CDH13: variants seen among roughly 807,000 people sequenced by gnomAD.
The protein encoded by CDH13 is cadherin-13.
A neutral mutation model predicts 63.8 loss-of-function variants in CDH13; 24 were observed. That is an observed-to-expected ratio of 0.38 (90% CI 0.27 to 0.53). CDH13 has a LOEUF of 0.53. CDH13 is among the 20% of genes least tolerant of loss of function. CDH13 has a pLI of 0.85. For synonymous variants in CDH13, 503 were observed against 355.3 expected (o/e 1.42, Z -4.67); for missense variants, 1,049 against 903.1 (o/e 1.16, Z -2.07).
At chr16:83,262,264 T>C (rs7188467) in intron 5 of CDH13, among the ~76,000 whole-genome samples, 135,854 of 152,170 alleles carry the variant, frequency 0.89, 60,766 homozygotes, top group East Asian at 1. Context: ...CATGGGGTAA[T>C]GGGCCTCCAT....
rs150787513 is a variant in CDH13 at position 83,564,465 on chromosome 16, A to G, written c.961-37989A>G. The stretch of plus-strand genomic sequence containing the variant: ...ACTCTGTCACCCAGGCTGGAGTGCA[A>G]TGGCACAATCTCAGCTCACTGCAAC... On this transcript the variant is annotated intron_variant, in intron 7 of 13. Transcript: ENST00000567109. Among the ~76,000 whole-genome samples the G allele has an allele frequency of 3.6e-3, 516 of 142,564 alleles. 5 individuals carry two copies. The highest frequency in any genetic ancestry group is 0.013 in the African/African-American group (484 of 38,344). 93.5% of individuals were successfully genotyped at this position (142,564 alleles called of 152,430 possible).
At chr16:83,218,056 G>C (rs529286513) in intron 5 of CDH13, among the ~76,000 whole-genome samples, 1 of 152,266 alleles carries the variant, frequency 6.6e-6, no homozygotes, top group East Asian at 1.9e-4. Context: ...ATTACCAATG[G>C]AGTATTTGCA....
chr16:83,513,975 G>A (rs1379811113), intron 7 of CDH13, among the ~76,000 whole-genome samples: 1 of 152,110 alleles, frequency 6.6e-6, no homozygotes, highest in East Asian at 1.9e-4. Context: ...GTCCAATAGA[G>A]ACTGTCTTGT....
intron 1 of CDH13, among the ~76,000 whole-genome samples, chr16:82,697,737 CATT>C (rs1282172160): frequency 2.8e-5 from 4 of 145,442 alleles, no homozygotes; most frequent in Non-Finnish European, 4.5e-5. Context: ...TGGGCCGAGG[CATT>C]GTGTGTGTGT....
At chr16:83,549,585 C>G (rs7190941) in intron 7 of CDH13, among the ~76,000 whole-genome samples, 45,048 of 150,964 alleles carry the variant, frequency 0.3, 6,772 homozygotes, top group Middle Eastern at 0.36. Context: ...CTCCCTAACC[C>G]CACTCCCGTA....
intron 6 of CDH13, among the ~76,000 whole-genome samples, chr16:83,356,335 A>C (rs1168015524): frequency 6.6e-6 from 1 of 151,744 alleles, no homozygotes; most frequent in Non-Finnish European, 1.5e-5. Flanking sequence ...CTTGCCAGGT[A>C]ACTCCACGCA....
chr16:83,277,366 C>A (rs946507987), intron 5 of CDH13, among the ~76,000 whole-genome samples: 1 of 152,112 alleles, frequency 6.6e-6, no homozygotes, highest in African/African-American at 2.4e-5. Flanking sequence ...AACTCAGATG[C>A]CTAAACCATA....
At chr16:82,721,570 A>G (rs1207048547) in intron 1 of CDH13, among the ~76,000 whole-genome samples, 1 of 152,196 alleles carries the variant, frequency 6.6e-6, no homozygotes. Flanking sequence ...AAGTAACAGC[A>G]AAGTCAAAGA....
At chr16:83,400,419 A>G (rs1188943445) in intron 6 of CDH13, among the ~76,000 whole-genome samples, 4 of 152,202 alleles carry the variant, frequency 2.6e-5, no homozygotes, top group Admixed American at 2.6e-4. Flanking sequence ...GCCCAACTCC[A>G]GGATGGGGTC....
intron 3 of CDH13, among the ~76,000 whole-genome samples, chr16:83,117,502 C>T (rs576542989): frequency 1.3e-5 from 2 of 152,046 alleles, no homozygotes; most frequent in East Asian, 1.9e-4. Context: ...TCTTTTTTCT[C>T]TTGAGCCATA....
chr16:83,391,359 C>G (rs1050287886), intron 6 of CDH13, among the ~76,000 whole-genome samples: 2 of 152,072 alleles, frequency 1.3e-5, no homozygotes, highest in African/African-American at 2.4e-5. Context: ...GTGCCTACCA[C>G]CACACCCAGC....
intron 1 of CDH13, among the ~76,000 whole-genome samples, chr16:82,796,028 C>G (rs894500344): frequency 6.7e-6 from 1 of 149,636 alleles, no homozygotes; most frequent in African/African-American, 2.5e-5. Flanking sequence ...GGGATACAAA[C>G]TAATGGACCC....
rs137864814 is a variant in CDH13 at position 83,597,135 on chromosome 16, A to G, written c.961-5319A>G. 3.8e-3 allele frequency among the ~76,000 whole-genome samples: 582 copies of G among 152,118 alleles called. 9 individuals are homozygous for G. The highest frequency in any genetic ancestry group is 0.013 in the African/African-American group (553 of 41,492). ...CTACTTGGGGTGCTAAGTTGGGAGG[A>G]TCTCTTGAGCCTGGGAGGTCGAGGC... On this transcript the variant is annotated intron_variant, in intron 7 of 13. Transcript: ENST00000567109.
intron 4 of CDH13, among the ~76,000 whole-genome samples, chr16:83,206,251 C>A (rs1244703776): frequency 6.6e-6 from 1 of 152,210 alleles, no homozygotes; most frequent in African/African-American, 2.4e-5. Context: ...AGCCCTCTGG[C>A]CGTGATTTCT....
At chr16:82,788,796 G>C (rs1400722150) in intron 1 of CDH13, among the ~76,000 whole-genome samples, 1 of 152,178 alleles carries the variant, frequency 6.6e-6, no homozygotes, top group Non-Finnish European at 1.5e-5. Flanking sequence ...TGGAGCCCAG[G>C]TGATGTTATT....
chr16:83,417,894 G>C (rs1293464672), intron 6 of CDH13, among the ~76,000 whole-genome samples: 1 of 152,156 alleles, frequency 6.6e-6, no homozygotes, highest in African/African-American at 2.4e-5. Context: ...ACTGGAGAGA[G>C]AGAGAAAGAG....
chr16:83,466,082 C>G (rs1156793892), intron 6 of CDH13, among the ~76,000 whole-genome samples: 2 of 152,218 alleles, frequency 1.3e-5, no homozygotes, highest in African/African-American at 4.8e-5. Context: ...CCACCCCCCG[C>G]AACCCCATGG....
At chr16:82,863,887 A>G (rs1047357930) in intron 2 of CDH13, among the ~76,000 whole-genome samples, 12 of 63,118 alleles carry the variant, frequency 1.9e-4, no homozygotes, top group Non-Finnish European at 3.5e-4. Context: ...ATGAGAGTGT[A>G]TTTTAAAAAA....
chr16:83,312,337 A>T (rs745520391), intron 5 of CDH13, among the ~76,000 whole-genome samples: 2 of 152,180 alleles, frequency 1.3e-5, no homozygotes, highest in Non-Finnish European at 2.9e-5. Flanking sequence ...CAATAGAATC[A>T]TTGGATGGAC....
Sources: gnomAD v4.1 joint callset for allele counts (sites outside exome capture counted in the v4.1 genomes callset) on GRCh38, gnomAD v4.1.1 for gene constraint, MANE v1.5 for transcripts, NCBI Gene and HGNC (gene_info 2026-07-23, HGNC 2026-07-21) for gene names.